Variants in GPHN observed in about 807,000 individuals in gnomAD.
GPHN encodes gephyrin.
Under a neutral mutation model 95.5 loss-of-function variants are expected in GPHN, and 17 were observed. That is an observed-to-expected ratio of 0.18 (90% CI 0.12 to 0.27). The LOEUF (loss-of-function observed/expected upper bound fraction) is 0.27. GPHN is among the 10% of genes least tolerant of loss of function. The pLI, the probability that GPHN is intolerant of heterozygous loss-of-function variation, is 1.00. For missense variants in GPHN, 660 were observed against 978.1 expected (o/e 0.67, Z 4.34); for synonymous variants, 320 against 322.5 (o/e 0.99, Z 0.08).
the GPHN span, among the ~76,000 whole-genome samples, chr14:67,732,881 G>A: frequency 0.12 from 17,963 of 152,054 alleles, 1,095 homozygotes; most frequent in Admixed American, 0.14. Flanking sequence ...GTGCCCAGCC[G>A]TGATAGGCTT....
At chr14:67,434,086 C>T in the GPHN span, among the ~76,000 whole-genome samples, 1 of 152,134 alleles carries the variant, frequency 6.6e-6, no homozygotes, top group Admixed American at 6.5e-5. Context: ...AGCTAAAGAA[C>T]AGATCTAACT....
chr14:67,172,586 A>G (rs1401353711), intron 21 of GPHN, among the ~76,000 whole-genome samples: 7 of 152,132 alleles, frequency 4.6e-5, no homozygotes, highest in Non-Finnish European at 8.8e-5. Context: ...ATGCCGATGT[A>G]GTACCCACAA....
intron 1 of GPHN, among the ~76,000 whole-genome samples, chr14:66,557,244 G>GATAC (rs1209421052): frequency 9.5e-5 from 13 of 136,714 alleles, no homozygotes; most frequent in Admixed American, 2.1e-4. Flanking sequence ...TAGGTAGATA[G>GATAC]ATAGATAGAT....
chr14:67,300,159 C>A, the GPHN span, among the ~76,000 whole-genome samples: 1 of 152,030 alleles, frequency 6.6e-6, no homozygotes, highest in Non-Finnish European at 1.5e-5. Context: ...TTTCTAAGTA[C>A]CAAAACCTGA....
the GPHN span, among the ~76,000 whole-genome samples, chr14:67,459,721 C>T: frequency 6.6e-6 from 1 of 152,244 alleles, no homozygotes; most frequent in Admixed American, 6.5e-5. Context: ...CGCTGTTCCT[C>T]ACATAGGCGC....
At chr14:66,573,614 G>A (rs989475814) in intron 1 of GPHN, among the ~76,000 whole-genome samples, 2 of 151,926 alleles carry the variant, frequency 1.3e-5, no homozygotes, top group Non-Finnish European at 2.9e-5. Context: ...CTGCCACCAC[G>A]CACGGCTAAT....
chr14:66,856,199 T>G (rs1025758478), intron 4 of GPHN, among the ~76,000 whole-genome samples: 12 of 152,132 alleles, frequency 7.9e-5, no homozygotes, highest in Non-Finnish European at 1.0e-4. Flanking sequence ...TTTAAAAAAA[T>G]AACTTGCCAT....
the GPHN span, among the ~76,000 whole-genome samples, chr14:67,297,403 G>A: frequency 1.3e-5 from 2 of 151,622 alleles, no homozygotes; most frequent in Non-Finnish European, 2.9e-5. Context: ...GCTATCTCTG[G>A]GTGTTAGATA....
chr14:66,567,222 C>T (rs917967254), intron 1 of GPHN, among the ~76,000 whole-genome samples: 2 of 152,122 alleles, frequency 1.3e-5, no homozygotes, highest in Non-Finnish European at 2.9e-5. Flanking sequence ...AAAGTGGAGA[C>T]TCCAGAGCAA....
chr14:66,732,778 T>C (rs2071901780), intron 2 of GPHN, among the ~76,000 whole-genome samples: 1 of 152,148 alleles, frequency 6.6e-6, no homozygotes, highest in Admixed American at 6.5e-5. Context: ...GCCTCCCAAA[T>C]TGCTGGGGTT....
At chr14:67,281,221 A>G in the GPHN span, among the ~76,000 whole-genome samples, 1 of 152,028 alleles carries the variant, frequency 6.6e-6, no homozygotes, top group Non-Finnish European at 1.5e-5. Flanking sequence ...TTTCTACTAC[A>G]TCACATCATC....
At chr14:67,522,212 G>T in the GPHN span, among the ~76,000 whole-genome samples, 1 of 152,056 alleles carries the variant, frequency 6.6e-6, no homozygotes, top group Non-Finnish European at 1.5e-5. Context: ...AGAAAGTTGG[G>T]GATTGTGCGG....
At chr14:67,166,076 G>T (rs940252645) in intron 20 of GPHN, among the ~76,000 whole-genome samples, 5 of 151,858 alleles carry the variant, frequency 3.3e-5, no homozygotes, top group African/African-American at 1.2e-4. Flanking sequence ...TTGGATCTTT[G>T]TTTGTTTTTT....
chr14:67,731,213 T>C, the GPHN span, among the ~76,000 whole-genome samples: 38 of 139,468 alleles, frequency 2.7e-4, no homozygotes, highest in African/African-American at 7.8e-4. Context: ...CTTTCTTTTT[T>C]TTTTTTTTTT....
chr14:66,963,423 A>G (rs2069096712), intron 8 of GPHN, among the ~76,000 whole-genome samples: 1 of 152,066 alleles, frequency 6.6e-6, no homozygotes, highest in Non-Finnish European at 1.5e-5. Flanking sequence ...AATAGTAGCA[A>G]AACAGTTCCA....
intron 3 of GPHN, among the ~76,000 whole-genome samples, chr14:66,780,532 T>C (rs2059566651): frequency 6.6e-6 from 1 of 152,112 alleles, no homozygotes; most frequent in Non-Finnish European, 1.5e-5. Flanking sequence ...CTTTTTTTTT[T>C]TCATTGTGTG....
the GPHN span, among the ~76,000 whole-genome samples, chr14:67,639,824 C>T: frequency 6.7e-6 from 1 of 149,098 alleles, no homozygotes; most frequent in Non-Finnish European, 1.5e-5. Flanking sequence ...ACTTGGGAGG[C>T]TGAGGTAGGA....
the GPHN span, chr14:67,323,863 G>A: frequency 2.1e-6 from 2 of 939,158 alleles, no homozygotes; most frequent in African/African-American, 3.5e-5. Flanking sequence ...ACATGAAACA[G>A]TCCTGGTCTA....
chr14:66,909,630 G>A (rs1025764220), intron 5 of GPHN, among the ~76,000 whole-genome samples: 15 of 152,018 alleles, frequency 9.9e-5, no homozygotes, highest in African/African-American at 3.4e-4. Context: ...TATGAATAAC[G>A]ACTCTTAGCA....
Sources: allele counts gnomAD v4.1 joint callset (sites outside exome capture counted in the v4.1 genomes callset), GRCh38; gene constraint gnomAD v4.1.1; transcripts MANE v1.5; gene names NCBI Gene and HGNC (gene_info 2026-07-23, HGNC 2026-07-21).